The following KRT4 variants were observed in gnomAD, a reference collection of about 807,000 sequenced individuals.
KRT4 encodes the protein keratin 4.
KRT4 carries 47 observed loss-of-function variants against 50.6 expected under a neutral mutation model. The ratio of observed to expected loss-of-function variants is 0.93; its 90% confidence interval spans 0.73 to 1.18. The LOEUF (loss-of-function observed/expected upper bound fraction) is 1.18, where lower values mean the gene tolerates loss of function less well. Ranked by LOEUF, KRT4 falls within the 50% of genes most tolerant of loss-of-function variation. KRT4 has a pLI of 0.00. For synonymous variants in KRT4, 254 were observed against 251.2 expected, an observed-to-expected ratio of 1.01 and a Z score of -0.10; for missense variants, 651 against 645.7, an observed-to-expected ratio of 1.01 and a Z score of -0.09.
At position 52,807,215 on chromosome 12, in the gene KRT4, TGA is replaced by T; in HGVS notation, c.1415_1416del (p.Ile472LysfsTer14). On this transcript the variant is annotated frameshift_variant, in exon 9 of 9. Coordinates refer to ENST00000551956, the MANE Select transcript of KRT4 (RefSeq NM_002272.4). LOFTEE classifies it low-confidence loss of function (END_TRUNC). ...CCGGAGCCACTTCCTAATCCTCCGCTGATGCCTCCAGTGCTGGTGCTACCGCT... is the reference window on the plus strand; with the variant it reads ...CCGGAGCCACTTCCTAATCCTCCGCTTGCCTCCAGTGCTGGTGCTACCGCT... ...VVSGSTSTGG[I>X]SGGLGSGSGF... 1 of 1,614,154 alleles carries T rather than the reference TGA, an allele frequency of 6.2e-7. No homozygotes were observed.
chr12:52,809,813 G>A (rs1476889793), intron 3 of KRT4, among the ~76,000 whole-genome samples: 5 of 152,138 alleles, frequency 3.3e-5, no homozygotes, highest in East Asian at 1.9e-4. Flanking sequence ...CATGTTTATC[G>A]CAGCACAATT....
In KRT4 at chr12:52,813,993, T is replaced by A; in HGVS notation, c.66A>T (p.Val22=). Residue 22 remains valine (V), a synonymous_variant, in exon 1 of 9, where the codon GTA becomes GTT. Transcript: ENST00000551956. The part of the protein sequence containing the change: ...PRGFSCGSAI[V]GGGKRGAFSS... ...TGAAGGCACCTCTCTTGCCACCGCC[T>A]ACAATGGCCGAGCCACAGCTGAAGC... 6.2e-7 allele frequency: 1 copy of A among 1,613,946 alleles called. No homozygotes were observed. Among genetic ancestry groups the A allele is most frequent in the South Asian group, 1.1e-5 (1 of 91,088 alleles).
At chr12:52,807,432 C>G in intron 7 of KRT4, 39 bp from the exon 8 acceptor site, 1 of 1,613,372 alleles carries the variant, frequency 6.2e-7, no homozygotes, top group Middle Eastern at 1.7e-4. Flanking sequence ...TCAGGGAGCA[C>G]AGAATTTTGT....
intron 1 of KRT4, 126 bp from the exon 2 acceptor site, chr12:52,812,103 A>T: frequency 2.7e-6 from 2 of 736,048 alleles, no homozygotes; most frequent in Non-Finnish European, 4.8e-6. Flanking sequence ...AAGTAGGGCC[A>T]CTATGTTGCA....
At position 52,811,935 on chromosome 12, in the gene KRT4, A is replaced by G. The variant is rs773266090; in HGVS notation, c.505T>C (p.Trp169Arg). ...GTCGTCTGCTGCTGGAGCAGGTTCC[A>G]TTTGGTCTCCAGGACCTTATTCTGT... ...EQQNKVLETK[W>R]NLLQQQTTTT... Residue 169 changes from tryptophan (W) to arginine (R), a missense_variant, in exon 2 of 9, where the codon TGG becomes CGG. Trp to Arg is a moderately radical substitution (Grantham distance 101, BLOSUM62 -3). Transcript: ENST00000551956. The G allele has an allele frequency of 6.2e-7, 1 of 1,613,944 alleles. No individual in the cohort carries two copies. Among genetic ancestry groups the G allele is most frequent in the South Asian group, 1.1e-5 (1 of 91,060 alleles).
chr12:52,808,222 G>C, intron 6 of KRT4, 72 bp downstream of exon 6: 1 of 1,577,656 alleles, frequency 6.3e-7, no homozygotes, highest in Non-Finnish European at 8.7e-7. Context: ...TGCTTTATCT[G>C]CTTGTCCACT....
At position 52,813,682 on chromosome 12, in the gene KRT4, A is replaced by G. The variant is rs199567665; in HGVS notation, c.377T>C (p.Ile126Thr). ...QSLLTPLHVE[I>T]DPEIQKVRTE... ...CCGGACTTTCTGGATCTCAGGGTCA[A>G]TCTCCACGTGGAGGGGGGTGAGCAA... Residue 126 changes from isoleucine to threonine, a missense_variant, in exon 1 of 9, where the codon ATT (isoleucine) becomes ACT (threonine). Ile to Thr is a moderately conservative substitution (Grantham distance 89, BLOSUM62 -1). Coordinates refer to ENST00000551956, the MANE Select transcript of KRT4 (RefSeq NM_002272.4). The G allele has an allele frequency of 2.7e-5, 43 of 1,613,972 alleles. No homozygotes were observed. The highest frequency in any genetic ancestry group is 4.0e-5 in the African/African-American group (3 of 74,906).
intron 2 of KRT4, 46 bp from the exon 3 acceptor site, chr12:52,810,862 T>TG (rs764594635): frequency 6.7e-7 from 1 of 1,495,426 alleles, no homozygotes; most frequent in Non-Finnish European, 9.3e-7. Flanking sequence ...CACAGTGAGC[T>TG]GGTGTTTCTC....
At chr12:52,810,670 G>A in intron 3 of KRT4, 86 bp downstream of exon 3, 1 of 1,108,662 alleles carries the variant, frequency 9.0e-7, no homozygotes, top group South Asian at 1.2e-5. Flanking sequence ...AGGCAGAGAT[G>A]GACCAAACCC....
intron 2 of KRT4, 51 bp from the exon 3 acceptor site, chr12:52,810,867 T>TTTCTCAGATCTCTGCTGC: frequency 2.1e-6 from 3 of 1,436,876 alleles, no homozygotes; most frequent in Non-Finnish European, 2.9e-6. Context: ...TGAGCTGGTG[T>TTTCTCAGATCTCTGCTGC]TTCTCAGATC....
intron 2 of KRT4, chr12:52,811,542 C>T: frequency 1.8e-6 from 1 of 569,952 alleles, no homozygotes; most frequent in Non-Finnish European, 3.1e-6. Flanking sequence ...ATGGCAGACC[C>T]AAATCCCTGA....
chr12:52,809,049 T>C, intron 4 of KRT4, 199 bp from the exon 5 acceptor site: 1 of 677,876 alleles, frequency 1.5e-6, no homozygotes, highest in Non-Finnish European at 2.7e-6. Context: ...CCAGGAACCA[T>C]AAGCCACTCT....
intron 7 of KRT4, 56 bp downstream of exon 7, chr12:52,807,588 G>T: frequency 6.3e-7 from 1 of 1,584,878 alleles, no homozygotes; most frequent in Non-Finnish European, 8.7e-7. Flanking sequence ...GCATAAATAA[G>T]CTCATGGCCC....
rs182617075 is a variant in KRT4, at chr12:52,807,473, T to C, written c.1347-80A>G. 1.5e-3 allele frequency: 2,364 copies of C among 1,565,214 alleles called. 3 individuals are homozygous for C. The highest frequency in any genetic ancestry group is 2.3e-3 in the Admixed American group (139 of 59,438). ...AAGCATGCCTCACTCACCTCTCTTA[T>C]CCTTGAGCAGCCTCTGAGTTTGAGG... On this transcript the variant is annotated intron_variant, in intron 7 of 8. Coordinates refer to ENST00000551956, the MANE Select transcript of KRT4 (RefSeq NM_002272.4).
rs771380415 is a variant in KRT4, at chr12:52,807,084, C to G, written c.1548G>C (p.Leu516=). 1.9e-6 allele frequency: 3 copies of G among 1,614,126 alleles called. No homozygotes were observed. Among genetic ancestry groups the G allele is most frequent in the Non-Finnish European group, 2.5e-6 (3 of 1,180,028 alleles). Residue 516 remains leucine (L), a synonymous_variant, in exon 9 of 9, where the codon CTG becomes CTC. Transcript: ENST00000551956. ...CTCGTCTCCTCTATCGTCTCTTGTTCAGGGTGGTGGTAGAGATGATCTTGC... is the reference window on the plus strand; with the variant it reads ...CTCGTCTCCTCTATCGTCTCTTGTTGAGGGTGGTGGTAGAGATGATCTTGC... ...SSSKIISTTT[L]NKRR
Position 52,807,157 on chromosome 12 carries a change from G to A in KRT4, c.1475C>T (p.Ser492Phe). ...GCCACCAAACCCAAAGCCACTTCCAGAGCCGGAGCCAAAGCCACTACTCAG... is the reference window on the plus strand; with the variant it reads ...GCCACCAAACCCAAAGCCACTTCCAAAGCCGGAGCCAAAGCCACTACTCAG... ...FGLSSGFGSG[S>F]GSGFGFGGSV... The change falls in exon 9 of 9, where the codon TCT becomes TTT. Residue 492 changes from serine (S) to phenylalanine (F), a missense_variant. Transcript: ENST00000551956. 6.2e-7 allele frequency: 1 copy of A among 1,614,174 alleles called. No individual in the cohort carries two copies.
intron 2 of KRT4, 181 bp from the exon 3 acceptor site, chr12:52,810,997 C>T: frequency 1.6e-6 from 1 of 613,142 alleles, no homozygotes; most frequent in Non-Finnish European, 3.0e-6. Flanking sequence ...AGGAAGTACC[C>T]GTTTAGGCCA....
At chr12:52,811,168 T>A (rs1487809611) in intron 2 of KRT4, among the ~76,000 whole-genome samples, 10 of 152,200 alleles carry the variant, frequency 6.6e-5, no homozygotes, top group Admixed American at 6.5e-4. Context: ...CCATTTCCCT[T>A]TGTTTGGTGG....
chr12:52,808,958 G>A, intron 4 of KRT4, 108 bp from the exon 5 acceptor site: 1 of 1,192,128 alleles, frequency 8.4e-7, no homozygotes, highest in Non-Finnish European at 1.2e-6. Flanking sequence ...GAAGGGGAGA[G>A]ACAGGTAAAG....
Sources: gnomAD v4.1 joint callset for allele counts (sites outside exome capture counted in the v4.1 genomes callset) on GRCh38, gnomAD v4.1.1 for gene constraint, MANE v1.5 for transcripts, NCBI Gene and HGNC (gene_info 2026-07-23, HGNC 2026-07-21) for gene names.